The following CNTNAP2 variants were observed in gnomAD, a reference collection of about 807,000 sequenced individuals.
CNTNAP2 encodes contactin-associated protein-like 2.
Under a neutral mutation model 155.2 loss-of-function variants are expected in CNTNAP2, and 98 were observed. The ratio of observed to expected loss-of-function variants is 0.63; its 90% confidence interval spans 0.54 to 0.75. CNTNAP2 has a LOEUF of 0.75. CNTNAP2 is among the 30% of genes least tolerant of loss of function. The pLI, the probability that CNTNAP2 is intolerant of heterozygous loss-of-function variation, is 0.00. For synonymous variants in CNTNAP2, 651 were observed against 631.2 expected, an observed-to-expected ratio of 1.03 and a Z score of -0.47; for missense variants, 1,727 against 1,688.1, an observed-to-expected ratio of 1.02 and a Z score of -0.40.
intron 13 of CNTNAP2, among the ~76,000 whole-genome samples, chr7:147,774,896 T>C (rs1797534072): frequency 6.6e-6 from 1 of 152,082 alleles, no homozygotes. Flanking sequence ...CCAGAGAAGT[T>C]AAGTGGCTTT....
rs539306865 is a variant in CNTNAP2, at chr7:148,142,646, T to G, written c.2555-4845T>G. Among the ~76,000 whole-genome samples, 8 of 152,326 alleles carry G rather than the reference T, an allele frequency of 5.3e-5. No individual in the cohort carries two copies. In the South Asian group the frequency reaches 1.7e-3, roughly 32 times the overall value. On this transcript the variant is annotated intron_variant, in intron 16 of 23. Transcript: ENST00000361727. Reference sequence around the variant, plus strand: ...TATATAACTTTCCTTCTCTTTTCTCTTATCCTGTTCTGTACTGAATGGCCA... The same window carrying G: ...TATATAACTTTCCTTCTCTTTTCTCGTATCCTGTTCTGTACTGAATGGCCA...
chr7:147,948,336 A>T (rs1482664154), intron 14 of CNTNAP2, among the ~76,000 whole-genome samples: 2 of 152,044 alleles, frequency 1.3e-5, no homozygotes, highest in African/African-American at 4.8e-5. Flanking sequence ...AACACAAAGG[A>T]TAAATACTTG....
chr7:147,464,031 A>G (rs1798069958), intron 10 of CNTNAP2, among the ~76,000 whole-genome samples: 1 of 148,626 alleles, frequency 6.7e-6, no homozygotes, highest in Non-Finnish European at 1.5e-5. Context: ...AGACATCCCA[A>G]TTGTTTAAAG....
At chr7:146,810,806 T>C (rs1190088243) in intron 2 of CNTNAP2, among the ~76,000 whole-genome samples, 1 of 152,216 alleles carries the variant, frequency 6.6e-6, no homozygotes, top group East Asian at 1.9e-4. Flanking sequence ...TTGAAGTATA[T>C]TCATTCTACA....
intron 15 of CNTNAP2, among the ~76,000 whole-genome samples, chr7:148,029,912 T>G (rs1463414892): frequency 6.6e-6 from 1 of 152,206 alleles, no homozygotes; most frequent in African/African-American, 2.4e-5. Flanking sequence ...GGCAGGATTG[T>G]GGTGGAGAAG....
intron 8 of CNTNAP2, among the ~76,000 whole-genome samples, chr7:147,166,625 C>T (rs1168671185): frequency 6.6e-6 from 1 of 152,056 alleles, no homozygotes; most frequent in Non-Finnish European, 1.5e-5. Flanking sequence ...TTTATTTCAC[C>T]TGGGTGCAGG....
chr7:147,428,392 A>G (rs1427336000), intron 10 of CNTNAP2, among the ~76,000 whole-genome samples: 3 of 152,130 alleles, frequency 2.0e-5, no homozygotes, highest in Non-Finnish European at 4.4e-5. Context: ...TAGACAGTGT[A>G]AGATGAAGGC....
At chr7:146,847,934 C>T (rs1431226045) in intron 3 of CNTNAP2, among the ~76,000 whole-genome samples, 10 of 152,112 alleles carry the variant, frequency 6.6e-5, no homozygotes, top group Admixed American at 2.0e-4. Context: ...TGATAAAGTG[C>T]GTTAACTTCG....
intron 13 of CNTNAP2, among the ~76,000 whole-genome samples, chr7:147,799,108 A>T (rs1248613049): frequency 6.6e-6 from 1 of 152,188 alleles, no homozygotes; most frequent in Non-Finnish European, 1.5e-5. Flanking sequence ...CAGGCATGAA[A>T]ATAATAAGAG....
intron 15 of CNTNAP2, among the ~76,000 whole-genome samples, chr7:148,083,579 C>T (rs1461045451): frequency 3.9e-5 from 6 of 152,082 alleles, no homozygotes; most frequent in Non-Finnish European, 5.9e-5. Flanking sequence ...CTATTTCCAC[C>T]AAGGGCAGAA....
At chr7:147,148,932 C>T (rs1282320279) in intron 8 of CNTNAP2, among the ~76,000 whole-genome samples, 1 of 152,190 alleles carries the variant, frequency 6.6e-6, no homozygotes, top group East Asian at 1.9e-4. Flanking sequence ...GGTGTTACAG[C>T]TCATAAAGGT....
At chr7:148,267,442 G>A (rs1377204868) in intron 21 of CNTNAP2, among the ~76,000 whole-genome samples, 1 of 151,976 alleles carries the variant, frequency 6.6e-6, no homozygotes, top group African/African-American at 2.4e-5. Flanking sequence ...ATCACTTGAG[G>A]TCAGGAGTTC....
At chr7:146,298,221 TTTTG>T (rs1447497318) in intron 1 of CNTNAP2, among the ~76,000 whole-genome samples, 2 of 152,308 alleles carry the variant, frequency 1.3e-5, no homozygotes, top group Admixed American at 1.3e-4. Context: ...CTTTGTTTTG[TTTTG>T]TTTTTCTTGC....
At chr7:146,124,407 C>T (rs1797606074) in intron 1 of CNTNAP2, among the ~76,000 whole-genome samples, 1 of 152,006 alleles carries the variant, frequency 6.6e-6, no homozygotes, top group Non-Finnish European at 1.5e-5. Context: ...AACATAAGTA[C>T]AGACTGTCTA....
chr7:146,142,972 G>A (rs750777031), intron 1 of CNTNAP2, among the ~76,000 whole-genome samples: 5 of 152,180 alleles, frequency 3.3e-5, no homozygotes, highest in Non-Finnish European at 7.4e-5. Flanking sequence ...AGTTTCTTAA[G>A]AACTCTGCCT....
chr7:147,745,199 A>G (rs1352227305), intron 13 of CNTNAP2, among the ~76,000 whole-genome samples: 3 of 152,230 alleles, frequency 2.0e-5, no homozygotes, highest in East Asian at 3.9e-4. Context: ...ACTGAATCAA[A>G]TGAAGCCTAA....
intron 1 of CNTNAP2, among the ~76,000 whole-genome samples, chr7:146,151,700 A>ATATATATATATATATATG (rs1798053906): frequency 1.7e-5 from 1 of 57,550 alleles, no homozygotes; most frequent in South Asian, 4.9e-4. Context: ...ATATATATGT[A>ATATATATATATATATATG]TATATATATA....
intron 1 of CNTNAP2, among the ~76,000 whole-genome samples, chr7:146,761,284 T>TAGAA (rs1802092648): frequency 6.9e-6 from 1 of 144,544 alleles, no homozygotes; most frequent in African/African-American, 2.6e-5. Context: ...TCATAATTGC[T>TAGAA]GGAAGGAAGG....
In CNTNAP2 at chr7:146,883,498, T is replaced by G. The variant is rs570934936; in HGVS notation, c.402+43594T>G. Among the ~76,000 whole-genome samples the G allele has an allele frequency of 4.8e-4, 73 of 152,310 alleles. 1 individual carries two copies. In the South Asian group the frequency reaches 0.014, roughly 30 times the overall value. On this transcript the variant is annotated intron_variant, in intron 3 of 23. Coordinates refer to ENST00000361727, the MANE Select transcript of CNTNAP2 (RefSeq NM_014141.6). ...TATTTAAAAGAAAACAGTTTTTATT[T>G]TCATTGGAATATTCTCATAAGAACC...
Sources: gnomAD v4.1 joint callset for allele counts (sites outside exome capture counted in the v4.1 genomes callset) on GRCh38, gnomAD v4.1.1 for gene constraint, MANE v1.5 for transcripts, NCBI Gene and HGNC (gene_info 2026-07-23, HGNC 2026-07-21) for gene names.